The following FGFR2 variants were observed in gnomAD, a reference collection of about 807,000 sequenced individuals.
FGFR2 encodes fibroblast growth factor receptor 2, also known as BEK fibroblast growth factor receptor.
In FGFR2, 19 loss-of-function variants were observed where a neutral mutation model predicts 95.9. The ratio of observed to expected loss-of-function variants is 0.20; its 90% CI spans 0.14 to 0.29. The LOEUF is 0.29. Ranked by LOEUF, FGFR2 falls within the 10% of genes least tolerant of loss-of-function variation. The pLI, the probability that FGFR2 is intolerant of heterozygous loss-of-function variation, is 1.00. For synonymous variants in FGFR2, 392 were observed against 393.3 expected (o/e 1.00, Z 0.04); for missense variants, 707 against 1,056.9 (o/e 0.67, Z 4.59).
chr10:121,523,459 T>C (rs146758631), intron 6 of FGFR2, among the ~76,000 whole-genome samples: 192 of 152,240 alleles, frequency 1.3e-3, no homozygotes, highest in African/African-American at 4.5e-3. Flanking sequence ...GCCTCATCCA[T>C]GTGGGAAGGG....
rs1268355616 is a variant in FGFR2, at chr10:121,500,836, C to T, written c.1551G>A (p.Lys517=). ...CGCCTCCCCGCTCACCTTTCAACAT[C>T]TTCACGGCCACGGTGACCGCCTCCT... ...KPKEAVTVAV[K]MLKDDATEKD... is the part of the protein sequence containing the mutation. Residue 517 remains lysine (K), a synonymous_variant, in exon 11 of 18, where the codon AAG becomes AAA. Coordinates refer to ENST00000358487, the MANE Select transcript of FGFR2 (RefSeq NM_000141.5). 1 of 1,614,112 alleles carries T rather than the reference C, an allele frequency of 6.2e-7. No homozygotes were observed. Among genetic ancestry groups the T allele is most frequent in the Non-Finnish European group, 8.5e-7 (1 of 1,180,018 alleles).
chr10:121,484,324 C>G (rs1188691571), intron 16 of FGFR2, among the ~76,000 whole-genome samples: 1 of 152,138 alleles, frequency 6.6e-6, no homozygotes, highest in African/African-American at 2.4e-5. Flanking sequence ...TAATCTGCCA[C>G]CACTGGGCTG....
At chr10:121,577,808 A>G (rs567182174) in intron 2 of FGFR2, among the ~76,000 whole-genome samples, 1 of 152,084 alleles carries the variant, frequency 6.6e-6, no homozygotes, top group African/African-American at 2.4e-5. Context: ...GGAAATACAT[A>G]ACCTGGATGT....
intron 6 of FGFR2, among the ~76,000 whole-genome samples, chr10:121,525,225 G>C (rs903885696): frequency 5.3e-5 from 8 of 152,168 alleles, no homozygotes; most frequent in African/African-American, 1.9e-4. Flanking sequence ...ACAGTGCATG[G>C]ACCTGGAACA....
chr10:121,583,341 CAGGCACT>C (rs565571116), intron 2 of FGFR2: 139 of 152,370 alleles, frequency 9.1e-4, no homozygotes, highest in African/African-American at 3.3e-3. Context: ...TGAGGGTTAG[CAGGCACT>C]AGGACAAACC....
intron 2 of FGFR2, among the ~76,000 whole-genome samples, chr10:121,569,309 C>A (rs1444292579): frequency 1.3e-5 from 2 of 151,832 alleles, no homozygotes; most frequent in African/African-American, 4.8e-5. Flanking sequence ...CAACCTCCGC[C>A]TCCCAGGTTC....
At chr10:121,503,730 C>T (rs1847900596) in intron 10 of FGFR2, 60 bp downstream of exon 10, 1 of 1,583,238 alleles carries the variant, frequency 6.3e-7, no homozygotes, top group Non-Finnish European at 8.7e-7. Context: ...AAATGTTAAT[C>T]CAATATCCCC....
In FGFR2 at chr10:121,517,402, A is replaced by G. The variant is rs372612885; in HGVS notation, c.1001T>C (p.Phe334Ser). 1.2e-6 allele frequency: 2 copies of G among 1,614,238 alleles called. No homozygotes were observed. The highest frequency in any genetic ancestry group is 1.7e-6 in the Non-Finnish European group (2 of 1,180,044). The change falls in exon 8 of 18, where the codon TTT becomes TCT. Residue 334 changes from phenylalanine to serine, a missense_variant. Coordinates refer to ENST00000358487, the MANE Select transcript of FGFR2 (RefSeq NM_000141.5). The surrounding 1 kb of genome is among the most constrained non-coding windows in gnomAD (Gnocchi z 4.7). ...GCACGTATATTCCCCAGCGTCCTCAAAAGTTACATTCCGAATATAGAGAAC... is the reference window on the plus strand; with the variant it reads ...GCACGTATATTCCCCAGCGTCCTCAGAAGTTACATTCCGAATATAGAGAAC... ...IEVLYIRNVT[F>S]EDAGEYTCLA...
At chr10:121,579,637 A>G (rs1232236774) in intron 2 of FGFR2, among the ~76,000 whole-genome samples, 1 of 152,200 alleles carries the variant, frequency 6.6e-6, no homozygotes, top group African/African-American at 2.4e-5. Context: ...AGAGTAGCTG[A>G]TATTTGCATG....
At position 121,485,696 on chromosome 10, in the gene FGFR2, C is replaced by G. The variant is rs760193327; in HGVS notation, c.2058-164G>C. 6.6e-6 allele frequency among the ~76,000 whole-genome samples: 1 copy of G among 152,158 alleles called. No individual in the cohort carries two copies. Among genetic ancestry groups the G allele is most frequent in the Non-Finnish European group, 1.5e-5 (1 of 68,026 alleles). ...CTCTTTCCTGCCCTGCAAGAGCATC[C>G]CCGAATGATGATGACACGGGGATGT... On this transcript the variant is annotated intron_variant, in intron 15 of 17. Transcript: ENST00000358487. The surrounding 1 kb of genome is among the most constrained non-coding windows in gnomAD (Gnocchi z 4.2).
rs1847196390 is a variant in FGFR2, at chr10:121,498,628, CA to C, written c.1562-24del. ...CATCTATGAACAGTAGGCATATTCACAAATCAGTTCATTTCCTCTAACTCAT... is the reference window on the plus strand; with the variant it reads ...CATCTATGAACAGTAGGCATATTCACAATCAGTTCATTTCCTCTAACTCAT... On this transcript the variant is annotated intron_variant, in intron 11 of 17. Transcript: ENST00000358487. 2.5e-6 allele frequency: 4 copies of C among 1,598,664 alleles called. No homozygotes were observed. In the South Asian group the frequency reaches 3.3e-5, roughly 13 times the overall value.
At chr10:121,597,197 A>G (rs1440964059) in intron 1 of FGFR2, among the ~76,000 whole-genome samples, 1 of 152,202 alleles carries the variant, frequency 6.6e-6, no homozygotes, top group Non-Finnish European at 1.5e-5. Context: ...CGAGGGTCGG[A>G]GCCAGCGCCA....
chr10:121,556,060 C>T (rs953133557), intron 4 of FGFR2, among the ~76,000 whole-genome samples: 1 of 152,112 alleles, frequency 6.6e-6, no homozygotes, highest in East Asian at 1.9e-4. Context: ...GAGGGTACAG[C>T]TGGAGTTGTC....
rs2135486526 is a variant in FGFR2 at position 121,593,811 on chromosome 10, T to C, written c.7A>G (p.Ser3Gly). Reference sequence around the variant, plus strand: ...ACCAGGCAGATGAAACGACCCCAGCTGACCATGGTTACGGTACCAATCCCC... The same window carrying C: ...ACCAGGCAGATGAAACGACCCCAGCCGACCATGGTTACGGTACCAATCCCC... MV[S>G]WGRFICLVVV... is the part of the protein sequence containing the mutation. The change falls in exon 2 of 18, where the codon AGC becomes GGC. Residue 3 changes from serine (S) to glycine (G), a missense_variant. Transcript: ENST00000358487. 1 of 1,614,176 alleles carries C rather than the reference T, an allele frequency of 6.2e-7. No homozygotes were observed. The highest frequency in any genetic ancestry group is 1.1e-5 in the South Asian group (1 of 91,080).
chr10:121,588,429 G>C (rs777933326), intron 2 of FGFR2, among the ~76,000 whole-genome samples: 10 of 151,726 alleles, frequency 6.6e-5, no homozygotes, highest in Admixed American at 2.0e-4. Flanking sequence ...AAAGAACTTG[G>C]CCTCAAGTTC....
At chr10:121,589,596 T>A (rs1862325744) in intron 2 of FGFR2, among the ~76,000 whole-genome samples, 1 of 152,188 alleles carries the variant, frequency 6.6e-6, no homozygotes, top group Non-Finnish European at 1.5e-5. Flanking sequence ...ATACCCCAAA[T>A]TTGAATCAGA....
rs1359645069 is a variant in FGFR2 at position 121,478,745 on chromosome 10, CATT to C, written c.*1109_*1111del. 2 of 233,474 alleles carry C rather than the reference CATT, an allele frequency of 8.6e-6. No individual in the cohort carries two copies. Among genetic ancestry groups the C allele is most frequent in the Non-Finnish European group, 1.7e-5 (2 of 117,992 alleles). 14.5% of individuals were successfully genotyped at this position (233,474 alleles called of 1,614,324 possible). ...CTCCAACGCCAAAGAGTCTGGAAGC[CATT>C]ATCAAAATTCACTGAAGAGAATACA... is the stretch of plus-strand genomic sequence containing the variant. On this transcript the variant is annotated 3_prime_UTR_variant, in exon 18 of 18. Coordinates refer to ENST00000358487, the MANE Select transcript of FGFR2 (RefSeq NM_000141.5).
In FGFR2 at chr10:121,593,776, G is replaced by A; in HGVS notation, c.42C>T (p.Thr14=). The change falls in exon 2 of 18, where the codon ACC becomes ACT. Residue 14 remains threonine, a synonymous_variant. Transcript: ENST00000358487. ...GCCGGGCCAGGGACAAGGTTGCCAT[G>A]GTGACCACGACCAGGCAGATGAAAC... ...WGRFICLVVV[T]MATLSLARPS... 1 of 1,614,196 alleles carries A rather than the reference G, an allele frequency of 6.2e-7. No homozygotes were observed. Among genetic ancestry groups the A allele is most frequent in the Non-Finnish European group, 8.5e-7 (1 of 1,180,036 alleles).
intron 6 of FGFR2, among the ~76,000 whole-genome samples, chr10:121,535,279 A>C (rs2134544333): frequency 6.6e-6 from 1 of 152,320 alleles, no homozygotes; most frequent in Admixed American, 6.5e-5. Flanking sequence ...GTAATTTGTT[A>C]GGGGTACCCT....
Sources: allele counts gnomAD v4.1 joint callset (sites outside exome capture counted in the v4.1 genomes callset), GRCh38; gene constraint gnomAD v4.1.1; non-coding constraint Gnocchi (gnomAD v3.1); transcripts MANE v1.5; gene names NCBI Gene and HGNC (gene_info 2026-07-23, HGNC 2026-07-21).